Variants in PCDHA6 observed in about 807,000 individuals in gnomAD.
PCDHA6 encodes protocadherin alpha-6.
In PCDHA6, 55 loss-of-function variants were observed where a neutral mutation model predicts 60.3. That is an observed-to-expected ratio of 0.91 (90% CI 0.73 to 1.14). The LOEUF (loss-of-function observed/expected upper bound fraction) is 1.14, where lower values mean the gene tolerates loss of function less well. Among genes scored for constraint, PCDHA6 ranks in the 50% most tolerant of loss-of-function variants. PCDHA6 has a pLI of 0.00. For missense variants in PCDHA6, 1,327 were observed against 1,256.5 expected, an observed-to-expected ratio of 1.06 and a Z score of -0.85; for synonymous variants, 652 against 557.9, an observed-to-expected ratio of 1.17 and a Z score of -2.38.
intron 1 of PCDHA6, among the ~76,000 whole-genome samples, chr5:140,921,577 A>G (rs1248608945): frequency 6.6e-6 from 1 of 152,242 alleles, no homozygotes; most frequent in African/African-American, 2.4e-5. Context: ...AGTAGAGCTC[A>G]TACTATATTA....
intron 1 of PCDHA6, chr5:140,849,282 C>T: frequency 8.4e-7 from 1 of 1,191,290 alleles, no homozygotes; most frequent in Non-Finnish European, 1.2e-6. Context: ...GCTGGTGATT[C>T]ACCCCAATGC....
At chr5:140,978,594 G>C (rs184264823) in intron 1 of PCDHA6, among the ~76,000 whole-genome samples, 31 of 152,288 alleles carry the variant, frequency 2.0e-4, no homozygotes, top group African/African-American at 7.5e-4. Flanking sequence ...CCCTTAATGG[G>C]GCACTTGAGG....
chr5:140,876,723 C>A (rs782820769), intron 1 of PCDHA6: 15 of 1,614,132 alleles, frequency 9.3e-6, no homozygotes, highest in East Asian at 2.2e-5. Context: ...ACCGCGAGAG[C>A]GTGTCGGCCT....
intron 1 of PCDHA6, among the ~76,000 whole-genome samples, chr5:140,903,428 T>C (rs954463543): frequency 2.0e-5 from 3 of 152,210 alleles, no homozygotes; most frequent in Non-Finnish European, 4.4e-5. Flanking sequence ...CAGCACAATA[T>C]GTATCAGTGG....
In PCDHA6 at chr5:141,011,141, A is replaced by T. The variant is rs1039778930; in HGVS notation, c.*1204A>T. ...ACAATTATGTGCACTTTGATACACA[A>T]CCTTCTCTAACCAACTATATATCAA... is the stretch of plus-strand genomic sequence containing the variant. On this transcript the variant is annotated 3_prime_UTR_variant, in exon 4 of 4. Transcript: ENST00000529310. 2.6e-5 allele frequency: 4 copies of T among 153,668 alleles called. No homozygotes were observed. The highest frequency in any genetic ancestry group is 4.4e-5 in the Non-Finnish European group (3 of 68,036). The allele number at this position is 153,668 out of a possible 1,614,324, so 9.5% of individuals were successfully genotyped here. A position where few individuals can be genotyped will look rare whatever the true frequency, so the allele number is the denominator to read the frequency against.
chr5:140,857,909 T>C (rs1554150840), intron 1 of PCDHA6: 1 of 1,597,744 alleles, frequency 6.3e-7, no homozygotes, highest in Non-Finnish European at 8.6e-7. Flanking sequence ...ACGCATCCCG[T>C]TTCGCGTGGG....
chr5:140,916,202 C>A lies in PCDHA6; in HGVS notation c.2395-62747C>A, dbSNP rs185433174. 8.0e-3 allele frequency among the ~76,000 whole-genome samples: 1,218 copies of A among 152,262 alleles called. 6 individuals carry two copies. Among genetic ancestry groups the A allele is most frequent in the African/African-American group, 0.019 (787 of 41,550 alleles). The stretch of plus-strand genomic sequence containing the variant: ...TTCAAGGAAGTGGGCACCCCTCTGC[C>A]CTGGGGAAGATCCAAATATGCTTTC... On this transcript the variant is annotated intron_variant, in intron 1 of 3. Coordinates refer to ENST00000529310, the MANE Select transcript of PCDHA6 (RefSeq NM_018909.4).
intron 1 of PCDHA6, chr5:140,966,570 G>A: frequency 2.0e-6 from 1 of 501,774 alleles, no homozygotes; most frequent in Non-Finnish European, 3.3e-6. Context: ...GGAATATGGG[G>A]AGTCAGCGAG....
intron 1 of PCDHA6, chr5:140,848,723 G>T (rs2150418763): frequency 6.3e-7 from 1 of 1,592,604 alleles, no homozygotes; most frequent in South Asian, 1.1e-5. Context: ...ACCTTCTGGA[G>T]GTAAATCTGC....
intron 1 of PCDHA6, chr5:140,867,940 ACTT>A (rs2050206930): frequency 6.6e-6 from 1 of 152,110 alleles, no homozygotes; most frequent in African/African-American, 2.4e-5. Flanking sequence ...TTTTCCATGA[ACTT>A]CTGCTCCCAA....
At chr5:140,926,859 G>A in intron 1 of PCDHA6, 1 of 1,521,332 alleles carries the variant, frequency 6.6e-7, no homozygotes, top group Non-Finnish European at 8.8e-7. Context: ...CGTTGGTGTA[G>A]CGTGTTGGTG....
intron 1 of PCDHA6, chr5:140,882,766 G>C (rs782330844): frequency 6.2e-7 from 1 of 1,614,184 alleles, no homozygotes; most frequent in Non-Finnish European, 8.5e-7. Context: ...GAGTAAACTC[G>C]GCATTGACCT....
rs2150254480 is a variant in PCDHA6 at position 140,836,166 on chromosome 5, C to G, written c.2394+5681C>G. 9 of 1,613,708 alleles carry G rather than the reference C, an allele frequency of 5.6e-6. No homozygotes were observed. The African/African-American group carries it at 1.1e-4, about 19-fold the overall frequency. ...CGCGGGCCATGTGGTGGCGAAGGTA[C>G]GTGCAGTTGACGCTGACTCAGGCTA... On this transcript the variant is annotated intron_variant, in intron 1 of 3. Transcript: ENST00000529310.
intron 1 of PCDHA6, among the ~76,000 whole-genome samples, chr5:140,898,020 AC>A (rs1483113036): frequency 6.6e-6 from 1 of 152,078 alleles, no homozygotes; most frequent in Non-Finnish European, 1.5e-5. Flanking sequence ...TCCTTTGCCC[AC>A]TTTTTGATGG....
intron 3 of PCDHA6, among the ~76,000 whole-genome samples, chr5:140,995,400 C>T (rs2097681723): frequency 6.6e-6 from 1 of 152,062 alleles, no homozygotes; most frequent in Admixed American, 6.6e-5. Flanking sequence ...CGGGATGGCT[C>T]GAGATTTCAT....
At chr5:140,987,429 G>A (rs1402576200) in intron 3 of PCDHA6, among the ~76,000 whole-genome samples, 1 of 152,096 alleles carries the variant, frequency 6.6e-6, no homozygotes, top group Non-Finnish European at 1.5e-5. Context: ...GAAGCAGGGG[G>A]CCTTTCCCCA....
At position 140,833,643 on chromosome 5, in the gene PCDHA6, C is replaced by T. The variant is rs2150210110; in HGVS notation, c.2394+3158C>T. On this transcript the variant is annotated intron_variant, in intron 1 of 3. Coordinates refer to ENST00000529310, the MANE Select transcript of PCDHA6 (RefSeq NM_018909.4). Reference sequence around the variant, plus strand: ...GAATACTTCCTCCTCAAAAAGTTCACATGATACAAATTCTTCCCCTTCAAA... The same window carrying T: ...GAATACTTCCTCCTCAAAAAGTTCATATGATACAAATTCTTCCCCTTCAAA... Among the ~76,000 whole-genome samples the T allele has an allele frequency of 6.6e-5, 10 of 152,284 alleles. No homozygotes were observed. The East Asian group carries it at 1.4e-3, about 21-fold the overall frequency.
intron 1 of PCDHA6, among the ~76,000 whole-genome samples, chr5:140,947,608 A>G (rs1381677530): frequency 3.3e-5 from 5 of 151,684 alleles, no homozygotes; most frequent in Non-Finnish European, 7.4e-5. Flanking sequence ...AAGATTTGGT[A>G]TCTTAACAAT....
chr5:140,875,752 A>G lies in PCDHA6; in HGVS notation c.2394+45267A>G, dbSNP rs782489258. On this transcript the variant is annotated intron_variant, in intron 1 of 3. Transcript: ENST00000529310. ...TGTGAATTCTCGGATCGACCGCGAGAAGCTGTGCGGGCGGAGCGCGGAGTG... is the reference window on the plus strand; with the variant it reads ...TGTGAATTCTCGGATCGACCGCGAGGAGCTGTGCGGGCGGAGCGCGGAGTG... 53 of 1,614,084 alleles carry G rather than the reference A, an allele frequency of 3.3e-5. No homozygotes were observed. The highest frequency in any genetic ancestry group is 3.2e-4 in the African/African-American group (24 of 74,918).
Sources: allele counts gnomAD v4.1 joint callset (sites outside exome capture counted in the v4.1 genomes callset), GRCh38; gene constraint gnomAD v4.1.1; transcripts MANE v1.5; gene names NCBI Gene and HGNC (gene_info 2026-07-23, HGNC 2026-07-21).